Variants in CORO2B observed in about 807,000 individuals in gnomAD.
CORO2B encodes the protein coronin-2B.
CORO2B carries 26 observed loss-of-function variants against 58.8 expected under a neutral mutation model. The ratio of observed to expected loss-of-function variants is 0.44; its 90% confidence interval spans 0.32 to 0.61. CORO2B has a LOEUF of 0.61. Ranked by LOEUF, CORO2B falls within the 20% of genes least tolerant of loss-of-function variation. CORO2B has a pLI of 0.04. For missense variants in CORO2B, 460 were observed against 645.1 expected (o/e 0.71, Z 3.11); for synonymous variants, 242 against 253.8 (o/e 0.95, Z 0.44).
intron 1 of CORO2B, among the ~76,000 whole-genome samples, chr15:68,583,252 C>T (rs578165987): frequency 6.6e-6 from 1 of 152,330 alleles, no homozygotes; most frequent in South Asian, 2.1e-4. Flanking sequence ...AGGGCCCCTA[C>T]AGAGTCACCC....
chr15:68,691,683 A>C (rs1322110640), intron 2 of CORO2B, among the ~76,000 whole-genome samples: 1 of 151,180 alleles, frequency 6.6e-6, no homozygotes, highest in Non-Finnish European at 1.5e-5. Context: ...TTTTTTAAGC[A>C]ATGGAGCTCA....
chr15:68,637,951 A>G (rs566219555), intron 1 of CORO2B, among the ~76,000 whole-genome samples: 1 of 152,370 alleles, frequency 6.6e-6, no homozygotes, highest in South Asian at 2.1e-4. Flanking sequence ...AGATCCGAGG[A>G]CAGGATACAA....
intron 4 of CORO2B, 133 bp from the exon 5 acceptor site, chr15:68,711,409 C>G (rs188897210): frequency 1.5e-6 from 1 of 666,218 alleles, no homozygotes; most frequent in Non-Finnish European, 2.5e-6. Context: ...CTCAATGACC[C>G]CCTCCTGCAC....
rs8041352 is a variant in CORO2B, at chr15:68,703,805, G to A, written c.334-6927G>A. ...CAGACACCTCCATAATCATGTACGCGTTTTAAAGATGAAGTTTATGCTGCA... is the reference window on the plus strand; with the variant it reads ...CAGACACCTCCATAATCATGTACGCATTTTAAAGATGAAGTTTATGCTGCA... On this transcript the variant is annotated intron_variant, in intron 3 of 11. Coordinates refer to ENST00000261861, the MANE Select transcript of CORO2B (RefSeq NM_006091.5). 2.1e-3 allele frequency among the ~76,000 whole-genome samples: 312 copies of A among 152,132 alleles called. 1 individual carries two copies. The highest frequency in any genetic ancestry group is 7.1e-3 in the African/African-American group (295 of 41,500).
At chr15:68,525,330 G>A in the CORO2B span, among the ~76,000 whole-genome samples, 2 of 152,166 alleles carry the variant, frequency 1.3e-5, no homozygotes, top group Admixed American at 1.3e-4. Flanking sequence ...AAGAAAAGAA[G>A]AGCTTTCTGT....
chr15:68,699,946 G>C (rs1892600331), intron 3 of CORO2B, among the ~76,000 whole-genome samples: 1 of 152,194 alleles, frequency 6.6e-6, no homozygotes, highest in Non-Finnish European at 1.5e-5. Context: ...TCTCCTCAGG[G>C]TCCAACCTGG....
the CORO2B span, among the ~76,000 whole-genome samples, chr15:68,537,025 T>C: frequency 3.8e-3 from 574 of 152,332 alleles, 6 homozygotes; most frequent in African/African-American, 0.013. Context: ...TGAGGCAGAA[T>C]TAAATTGCCT....
chr15:68,579,292 C>G lies in CORO2B; in HGVS notation c.15+15C>G. On this transcript the variant is annotated intron_variant, in intron 1 of 11. Transcript: ENST00000261861. Reference sequence around the variant, plus strand: ...CTGTCACAAAGGTAAGCGCCGCTCGCCCGCCGCGCCCGGGACCCGCCGGCG... The same window carrying G: ...CTGTCACAAAGGTAAGCGCCGCTCGGCCGCCGCGCCCGGGACCCGCCGGCG... The G allele has an allele frequency of 7.8e-7, 1 of 1,288,064 alleles. No homozygotes were observed. Among genetic ancestry groups the G allele is most frequent in the Non-Finnish European group, 9.9e-7 (1 of 1,013,542 alleles). 79.8% of individuals were successfully genotyped at this position (1,288,064 alleles called of 1,614,324 possible). A position where few individuals can be genotyped will look rare whatever the true frequency, so the allele number is the denominator to read the frequency against.
intron 2 of CORO2B, among the ~76,000 whole-genome samples, chr15:68,670,998 AC>A (rs1442271191): frequency 2.0e-5 from 3 of 152,346 alleles, no homozygotes; most frequent in African/African-American, 7.2e-5. Flanking sequence ...GAATTCAGCT[AC>A]TATGTTTGCC....
At chr15:68,722,815 C>T (rs1026251013) in intron 11 of CORO2B, among the ~76,000 whole-genome samples, 17 of 152,190 alleles carry the variant, frequency 1.1e-4, no homozygotes, top group African/African-American at 4.1e-4. Flanking sequence ...CGCCTATAAT[C>T]CCAGCACTTT....
At chr15:68,641,679 C>T (rs763994071) in intron 1 of CORO2B, 97 of 728,456 alleles carry the variant, frequency 1.3e-4, no homozygotes, top group Non-Finnish European at 1.6e-4. Context: ...TTGGCACTGG[C>T]TCCTCCCAAG....
intron 2 of CORO2B, among the ~76,000 whole-genome samples, chr15:68,656,275 G>A (rs904035088): frequency 6.6e-6 from 1 of 150,722 alleles, no homozygotes; most frequent in Non-Finnish European, 1.5e-5. Context: ...ACAGCCTCAC[G>A]TGTCAAGAGA....
At chr15:68,579,403 C>A (rs1595948835) in intron 1 of CORO2B, 126 bp downstream of exon 1, 2 of 968,884 alleles carry the variant, frequency 2.1e-6, no homozygotes, top group East Asian at 4.4e-5. Context: ...GCGGCGCGCG[C>A]CTCTCTTGCT....
At chr15:68,525,932 C>T in the CORO2B span, among the ~76,000 whole-genome samples, 3 of 152,170 alleles carry the variant, frequency 2.0e-5, no homozygotes, top group South Asian at 6.2e-4. Flanking sequence ...TTACAACCAG[C>T]TTAAGGCAAC....
chr15:68,697,490 C>T (rs1460872257), intron 3 of CORO2B, among the ~76,000 whole-genome samples: 1 of 152,126 alleles, frequency 6.6e-6, no homozygotes, highest in Non-Finnish European at 1.5e-5. Flanking sequence ...GGTCAGCTGG[C>T]ACAGTACCTA....
the CORO2B span, among the ~76,000 whole-genome samples, chr15:68,524,336 A>G: frequency 3.7e-4 from 56 of 152,306 alleles, 1 homozygote; most frequent in East Asian, 0.011. Flanking sequence ...GTAGCTTTTA[A>G]AATCTTGTTT....
upstream of CORO2B, among the ~76,000 whole-genome samples, chr15:68,578,157 T>A (rs1033546445): frequency 2.0e-5 from 3 of 152,178 alleles, no homozygotes; most frequent in Non-Finnish European, 2.9e-5. This position sits in a 1 kb window ranked among gnomAD's most constrained non-coding sequence, Gnocchi z 4.2. Context: ...CAGGACACAC[T>A]GTGCCCCGAG....
chr15:68,682,941 G>A (rs1902837453), intron 2 of CORO2B, among the ~76,000 whole-genome samples: 2 of 152,222 alleles, frequency 1.3e-5, no homozygotes, highest in South Asian at 4.1e-4. Context: ...GCACCTGGTG[G>A]GAGAGTCCTC....
intron 2 of CORO2B, among the ~76,000 whole-genome samples, chr15:68,655,313 C>T (rs915553022): frequency 2.6e-5 from 4 of 152,172 alleles, no homozygotes; most frequent in Admixed American, 6.5e-5. Flanking sequence ...GGAGGCACAG[C>T]CCCATTGAAT....
Sources: gnomAD v4.1 joint callset for allele counts (sites outside exome capture counted in the v4.1 genomes callset) on GRCh38, gnomAD v4.1.1 for gene constraint, Gnocchi (gnomAD v3.1) non-coding constraint, MANE v1.5 for transcripts, NCBI Gene and HGNC (gene_info 2026-07-23, HGNC 2026-07-21) for gene names.